The following KCNA6 variants were observed in gnomAD, a reference collection of about 807,000 sequenced individuals.
The protein encoded by KCNA6 is potassium voltage-gated channel subfamily A member 6, also known as human brain potassium channel-2.
In KCNA6, 17 loss-of-function variants were observed where a neutral mutation model predicts 29.5. The observed-to-expected ratio is 0.58, with a 90% CI of 0.39 to 0.86. The LOEUF (loss-of-function observed/expected upper bound fraction) is 0.86, where lower values mean the gene tolerates loss of function less well. KCNA6 is among the 40% of genes least tolerant of loss of function. The pLI is 0.00. For missense variants in KCNA6, 450 were observed against 703.4 expected (o/e 0.64, Z 4.07); for synonymous variants, 296 against 304.7 (o/e 0.97, Z 0.30).
the KCNA6 span, among the ~76,000 whole-genome samples, chr12:4,824,561 A>G: frequency 0.21 from 31,975 of 152,200 alleles, 3,486 homozygotes; most frequent in South Asian, 0.23. Flanking sequence ...TGAGCAATGA[A>G]GTGACTTACC....
the KCNA6 span, among the ~76,000 whole-genome samples, chr12:4,833,404 G>T: frequency 6.6e-6 from 1 of 152,106 alleles, no homozygotes. Context: ...TTGCTCCCAT[G>T]TCTCTAGCAG....
rs1946621849 is a variant in KCNA6 at position 4,810,791 on chromosome 12, A to T, written c.750A>T (p.Ser250=). Residue 250 remains serine (S), a synonymous_variant, in exon 1 of 1, where the codon TCA becomes TCT. Transcript: ENST00000280684. The surrounding 1 kb of genome is among the most constrained non-coding windows in gnomAD (Gnocchi z 7.5). ...AAATGGGGACCGGGGGCTCCTCCTC[A>T]CTCAGTACTCTTGGGGGCTCCTTCT... 2 of 1,592,364 alleles carry T rather than the reference A, an allele frequency of 1.3e-6. No individual in the cohort carries two copies. The highest frequency in any genetic ancestry group is 1.7e-6 in the Non-Finnish European group (2 of 1,169,836).
chr12:4,834,093 A>G, the KCNA6 span, among the ~76,000 whole-genome samples: 4 of 151,744 alleles, frequency 2.6e-5, no homozygotes, highest in African/African-American at 9.7e-5. Flanking sequence ...ATGTCTGGCT[A>G]TAAATTTTTA....
chr12:4,817,331 G>A (rs1385412588), downstream of KCNA6, among the ~76,000 whole-genome samples: 2 of 152,186 alleles, frequency 1.3e-5, no homozygotes, highest in Admixed American at 6.5e-5. Flanking sequence ...CATAGGCCGC[G>A]GGGAAGAAAG....
chr12:4,849,327 C>T, the KCNA6 span, among the ~76,000 whole-genome samples: 50,490 of 151,466 alleles, frequency 0.33, 8,574 homozygotes, highest in Admixed American at 0.42. Flanking sequence ...TTTATGAACG[C>T]AAAAGTGCCT....
chr12:4,846,576 C>G, the KCNA6 span, among the ~76,000 whole-genome samples: 1 of 152,010 alleles, frequency 6.6e-6, no homozygotes, highest in Non-Finnish European at 1.5e-5. Flanking sequence ...GTTGAGTTTT[C>G]TATATACCTA....
At chr12:4,850,646 T>C in the KCNA6 span, 3 of 344,808 alleles carry the variant, frequency 8.7e-6, no homozygotes, top group South Asian at 6.8e-5. This position sits in a 1 kb window ranked among gnomAD's most constrained non-coding sequence, Gnocchi z 5.4. Flanking sequence ...GGAAGGACAC[T>C]GGTGTGTCCA....
the KCNA6 span, among the ~76,000 whole-genome samples, chr12:4,850,306 C>A: frequency 4.0e-5 from 6 of 151,086 alleles, no homozygotes; most frequent in African/African-American, 1.5e-4. This position sits in a 1 kb window ranked among gnomAD's most constrained non-coding sequence, Gnocchi z 5.4. Flanking sequence ...GAGAGGGGGA[C>A]CCCTCGACCA....
chr12:4,816,863 C>G (rs1946687405), downstream of KCNA6, among the ~76,000 whole-genome samples: 2 of 152,278 alleles, frequency 1.3e-5, no homozygotes, highest in South Asian at 4.2e-4. Context: ...ACTCTGATCC[C>G]CTCTTGGCCT....
chr12:4,833,248 T>G, the KCNA6 span, among the ~76,000 whole-genome samples: 1 of 152,158 alleles, frequency 6.6e-6, no homozygotes, highest in Non-Finnish European at 1.5e-5. Context: ...TTGGCTGGGC[T>G]CAGCTGGGCA....
chr12:4,828,760 G>A, the KCNA6 span, among the ~76,000 whole-genome samples: 7,405 of 152,272 alleles, frequency 0.049, 316 homozygotes, highest in East Asian at 0.22. Context: ...ATTTCAGCCT[G>A]GGCAGTCTGG....
rs769220630 is a variant in KCNA6, at chr12:4,810,569, C to G, written c.528C>G (p.Ile176Met). 8.1e-6 allele frequency: 13 copies of G among 1,614,174 alleles called. No homozygotes were observed. The highest frequency in any genetic ancestry group is 1.1e-5 in the Non-Finnish European group (13 of 1,180,032). ...AGAGCTCTGGGCCGGCCAGGGGCAT[C>G]GCCATCGTCTCCGTGTTGGTCATTC... is the stretch of plus-strand genomic sequence containing the variant. The change falls in exon 1 of 1, where the codon ATC (isoleucine) becomes ATG (methionine). Residue 176 changes from isoleucine to methionine, a missense_variant. Coordinates refer to ENST00000280684, the Ensembl canonical transcript of KCNA6. This position sits in a 1 kb window ranked among gnomAD's most constrained non-coding sequence, Gnocchi z 7.5.
chr12:4,830,758 T>C, the KCNA6 span, among the ~76,000 whole-genome samples: 85,480 of 151,884 alleles, frequency 0.56, 24,576 homozygotes, highest in Middle Eastern at 0.67. Context: ...GTCCCTGGGC[T>C]GCTTGGGCGG....
At chr12:4,843,371 AG>A in the KCNA6 span, among the ~76,000 whole-genome samples, 2 of 151,940 alleles carry the variant, frequency 1.3e-5, no homozygotes, top group African/African-American at 4.8e-5. Flanking sequence ...TAGTAGAGAC[AG>A]GGTTTCACCG....
chr12:4,843,879 C>T, the KCNA6 span, among the ~76,000 whole-genome samples: 1 of 152,098 alleles, frequency 6.6e-6, no homozygotes, highest in African/African-American at 2.4e-5. Flanking sequence ...CCAGTCACCT[C>T]CCACCAGGAC....
chr12:4,830,976 G>A, the KCNA6 span, among the ~76,000 whole-genome samples: 1 of 152,186 alleles, frequency 6.6e-6, no homozygotes, highest in Non-Finnish European at 1.5e-5. Context: ...TGCCCACCAC[G>A]GGTTGTTGGT....
At chr12:4,846,801 C>T in the KCNA6 span, among the ~76,000 whole-genome samples, 12 of 123,044 alleles carry the variant, frequency 9.8e-5, no homozygotes, top group South Asian at 7.9e-4. Context: ...TAATTTGAGA[C>T]GGAGTCTCGC....
At chr12:4,821,054 G>A in the KCNA6 span, among the ~76,000 whole-genome samples, 1 of 152,206 alleles carries the variant, frequency 6.6e-6, no homozygotes, top group African/African-American at 2.4e-5. Flanking sequence ...CTGATGCCTT[G>A]GGAGGCAGAA....
the KCNA6 span, among the ~76,000 whole-genome samples, chr12:4,828,249 C>CG: frequency 5.3e-5 from 8 of 152,318 alleles, no homozygotes; most frequent in African/African-American, 1.9e-4. Context: ...CTCCCCCAGA[C>CG]TAACTTTGTC....
Sources: allele counts gnomAD v4.1 joint callset (sites outside exome capture counted in the v4.1 genomes callset), GRCh38; gene constraint gnomAD v4.1.1; non-coding constraint Gnocchi (gnomAD v3.1); transcripts MANE v1.5; gene names NCBI Gene and HGNC (gene_info 2026-07-23, HGNC 2026-07-21).